ABLIM3: variants seen among roughly 807,000 people sequenced by gnomAD.
The protein encoded by ABLIM3 is actin binding LIM protein family member 3.
ABLIM3 carries 61 observed loss-of-function variants against 109.5 expected under a neutral mutation model. The observed-to-expected ratio is 0.56, with a 90% CI of 0.45 to 0.69. ABLIM3 has a LOEUF of 0.69. ABLIM3 is among the 30% of genes least tolerant of loss of function. The pLI is 0.00. For synonymous variants in ABLIM3, 300 were observed against 324.8 expected, an observed-to-expected ratio of 0.92 and a Z score of 0.82; for missense variants, 796 against 889.5, an observed-to-expected ratio of 0.89 and a Z score of 1.34.
In ABLIM3 at chr5:149,198,364, C is replaced by T; in HGVS notation, c.297C>T (p.Arg99=). Residue 99 remains arginine, a synonymous_variant, in exon 4 of 24, where the codon CGC becomes CGT. Transcript: ENST00000309868. The surrounding 1 kb of genome is among the most constrained non-coding windows in gnomAD (Gnocchi z 4.2). The stretch of plus-strand genomic sequence containing the variant: ...GCGAAGTCATCTCGGCCCTGGGCCG[C>T]ACTTACCACCCCAAGTGCTTCGTGT... ...ITGEVISALG[R]TYHPKCFVCS... 1 of 1,613,616 alleles carries T rather than the reference C, an allele frequency of 6.2e-7. No individual in the cohort carries two copies. The highest frequency in any genetic ancestry group is 8.5e-7 in the Non-Finnish European group (1 of 1,179,702).
At chr5:149,186,251 T>A (rs1756947742) in intron 3 of ABLIM3, among the ~76,000 whole-genome samples, 1 of 151,988 alleles carries the variant, frequency 6.6e-6, no homozygotes, top group African/African-American at 2.4e-5. Context: ...CCACCTCTAC[T>A]AAGAATACAA....
At chr5:149,214,993 G>A (rs1005353004) in intron 7 of ABLIM3, among the ~76,000 whole-genome samples, 3 of 152,120 alleles carry the variant, frequency 2.0e-5, no homozygotes, top group Non-Finnish European at 4.4e-5. Flanking sequence ...GCTAGCTGAC[G>A]TGGCTTTTCC....
chr5:149,225,531 AC>A (rs1202171026), intron 8 of ABLIM3, among the ~76,000 whole-genome samples: 1 of 152,124 alleles, frequency 6.6e-6, no homozygotes, highest in Non-Finnish European at 1.5e-5. Flanking sequence ...TTTTGGATCT[AC>A]CACATTTTTT....
chr5:149,173,791 G>A (rs1755662174), intron 2 of ABLIM3, among the ~76,000 whole-genome samples: 1 of 152,136 alleles, frequency 6.6e-6, no homozygotes, highest in African/African-American at 2.4e-5. Context: ...GGAGGCCGAG[G>A]CGGGTGGATC....
intron 8 of ABLIM3, chr5:149,220,617 G>A (rs1760544086): frequency 6.6e-6 from 1 of 152,134 alleles, no homozygotes; most frequent in South Asian, 2.1e-4. Context: ...CCCTCACCAA[G>A]TGGGGACACC....
intron 8 of ABLIM3, among the ~76,000 whole-genome samples, chr5:149,222,816 C>T (rs1373265161): frequency 3.3e-5 from 5 of 151,928 alleles, no homozygotes; most frequent in African/African-American, 9.7e-5. Context: ...GGTTGTGGAA[C>T]GCCAGCCCTC....
In ABLIM3 at chr5:149,259,492, A is replaced by G. The variant is rs1312805542; in HGVS notation, c.*1088A>G. On this transcript the variant is annotated 3_prime_UTR_variant, in exon 24 of 24. Coordinates refer to ENST00000309868, the MANE Select transcript of ABLIM3 (RefSeq NM_014945.5). Reference sequence around the variant, plus strand: ...GTCTGTGGGCTGGCAGGGCAACCATACCATACCCCCGCCAGTCCTCGGCTC... The same window carrying G: ...GTCTGTGGGCTGGCAGGGCAACCATGCCATACCCCCGCCAGTCCTCGGCTC... 1.4e-5 allele frequency: 21 copies of G among 1,536,038 alleles called. No homozygotes were observed. The highest frequency in any genetic ancestry group is 1.7e-5 in the Non-Finnish European group (20 of 1,146,906).
At chr5:149,195,592 G>A (rs186971532) in intron 3 of ABLIM3, among the ~76,000 whole-genome samples, 58 of 152,268 alleles carry the variant, frequency 3.8e-4, no homozygotes, top group African/African-American at 1.4e-3. Flanking sequence ...GGTGGCTCTG[G>A]GGGTGGAGTT....
intron 10 of ABLIM3, among the ~76,000 whole-genome samples, chr5:149,234,402 T>G (rs929929340): frequency 6.6e-6 from 1 of 152,164 alleles, no homozygotes; most frequent in South Asian, 2.1e-4. Flanking sequence ...AACCCATTCC[T>G]GACAAGAAGC....
At chr5:149,232,951 G>T (rs1761999522) in intron 9 of ABLIM3, among the ~76,000 whole-genome samples, 1 of 152,138 alleles carries the variant, frequency 6.6e-6, no homozygotes, top group Non-Finnish European at 1.5e-5. Context: ...AACTCAAAAT[G>T]AAAAGTTTTA....
intron 10 of ABLIM3, among the ~76,000 whole-genome samples, chr5:149,234,869 A>G (rs1000654039): frequency 1.3e-5 from 2 of 152,232 alleles, no homozygotes; most frequent in African/African-American, 2.4e-5. Context: ...AATACTGTTC[A>G]TCACAAGCTG....
rs1017046192 is a variant in ABLIM3 at position 149,244,995 on chromosome 5, C to T, written c.1466C>T (p.Thr489Ile). The change falls in exon 16 of 24, where the codon ACC becomes ATC. Residue 489 changes from threonine to isoleucine, a missense_variant. Transcript: ENST00000309868. ...PYYASESEYWTYHGSPKVPRA... is the reference protein window; with the variant it reads ...PYYASESEYWIYHGSPKVPRA... ...TATGCTTCGGAGTCTGAGTACTGGA[C>T]CTACCATGGGTCCCCCAAAGGTAGT... 1.7e-5 allele frequency: 28 copies of T among 1,614,180 alleles called. No individual in the cohort carries two copies. The highest frequency in any genetic ancestry group is 2.4e-5 in the Non-Finnish European group (28 of 1,180,026).
chr5:149,223,737 G>C (rs991027481), intron 8 of ABLIM3, among the ~76,000 whole-genome samples: 2 of 152,142 alleles, frequency 1.3e-5, no homozygotes, highest in Non-Finnish European at 2.9e-5. Flanking sequence ...AGAAGTTCCA[G>C]AGAGTCTGAG....
At chr5:149,213,138 G>C (rs1394018124) in intron 7 of ABLIM3, among the ~76,000 whole-genome samples, 1 of 152,080 alleles carries the variant, frequency 6.6e-6, no homozygotes, top group Non-Finnish European at 1.5e-5. Flanking sequence ...GAAAAGAAAA[G>C]AAATATGGAT....
chr5:149,247,242 T>A (rs781083468), intron 17 of ABLIM3, among the ~76,000 whole-genome samples: 1 of 152,172 alleles, frequency 6.6e-6, no homozygotes, highest in Non-Finnish European at 1.5e-5. Flanking sequence ...ATATGCAGAA[T>A]AGGCAAATCC....
intron 8 of ABLIM3, chr5:149,220,177 A>G (rs1760503647): frequency 6.6e-6 from 1 of 152,206 alleles, no homozygotes; most frequent in South Asian, 2.1e-4. Flanking sequence ...TGTTCTCACA[A>G]CTGAAGGTGT....
In ABLIM3 at chr5:149,198,558, G is replaced by A. The variant is rs1301391971; in HGVS notation, c.335+156G>A. On this transcript the variant is annotated intron_variant, in intron 4 of 23. Coordinates refer to ENST00000309868, the MANE Select transcript of ABLIM3 (RefSeq NM_014945.5). This position sits in a 1 kb window ranked among gnomAD's most constrained non-coding sequence, Gnocchi z 4.2. Reference sequence around the variant, plus strand: ...GTGTGGAGGGATCTGATGGGCCAGTGGTTTTCAAACACTGTAGCATCTGAA... The same window carrying A: ...GTGTGGAGGGATCTGATGGGCCAGTAGTTTTCAAACACTGTAGCATCTGAA... Among the ~76,000 whole-genome samples the A allele has an allele frequency of 1.3e-5, 2 of 152,172 alleles. No homozygotes were observed. The highest frequency in any genetic ancestry group is 4.8e-5 in the African/African-American group (2 of 41,434).
At chr5:149,252,424 C>T (rs186782476) in intron 22 of ABLIM3, 81 of 574,920 alleles carry the variant, frequency 1.4e-4, no homozygotes, top group African/African-American at 1.3e-3. Context: ...GATACTCTCC[C>T]TGGGCTTCAG....
Position 149,258,315 on chromosome 5 carries a change from T to C in ABLIM3, c.1963T>C (p.Tyr655His). Residue 655 changes from tyrosine to histidine, a missense_variant, in exon 24 of 24, where the codon TAC becomes CAC. Coordinates refer to ENST00000309868, the MANE Select transcript of ABLIM3 (RefSeq NM_014945.5). ...LERHLSQEEF[Y>H]QVFGMTISEF... The stretch of plus-strand genomic sequence containing the variant: ...GCGCCACCTGTCCCAGGAAGAGTTC[T>C]ACCAAGTCTTTGGCATGACCATCTC... 6.2e-7 allele frequency: 1 copy of C among 1,613,986 alleles called. No homozygotes were observed. Among genetic ancestry groups the C allele is most frequent in the Admixed American group, 1.7e-5 (1 of 60,018 alleles).
Sources: gnomAD v4.1 joint callset for allele counts (sites outside exome capture counted in the v4.1 genomes callset) on GRCh38, gnomAD v4.1.1 for gene constraint, Gnocchi (gnomAD v3.1) non-coding constraint, MANE v1.5 for transcripts, NCBI Gene and HGNC (gene_info 2026-07-23, HGNC 2026-07-21) for gene names.